The following KHDRBS3 variants were observed in gnomAD, a reference collection of about 807,000 sequenced individuals.
KHDRBS3 encodes the protein KH domain-containing, RNA-binding, signal transduction-associated protein 3.
Under a neutral mutation model 45.6 loss-of-function variants are expected in KHDRBS3, and 23 were observed. The observed-to-expected ratio is 0.50, with a 90% CI of 0.36 to 0.72. The LOEUF (loss-of-function observed/expected upper bound fraction) is 0.72. Among genes scored for constraint, KHDRBS3 ranks in the 30% least tolerant of loss-of-function variants. The pLI is 0.00. For synonymous variants in KHDRBS3, 162 were observed against 156.5 expected (o/e 1.04, Z -0.26); for missense variants, 352 against 424.8 (o/e 0.83, Z 1.51).
At chr8:135,625,464 T>C (rs1425211358) in intron 7 of KHDRBS3, 4 of 777,924 alleles carry the variant, frequency 5.1e-6, no homozygotes, top group African/African-American at 1.7e-5. Context: ...AGGGCAGCCT[T>C]AGGAGCCACA....
chr8:135,564,871 G>T (rs1827328033), intron 5 of KHDRBS3, among the ~76,000 whole-genome samples: 1 of 152,052 alleles, frequency 6.6e-6, no homozygotes, highest in South Asian at 2.1e-4. Flanking sequence ...CCCAGGTTTG[G>T]CTGCTGGCTG....
chr8:135,563,575 G>A (rs892142573), intron 5 of KHDRBS3, among the ~76,000 whole-genome samples: 12 of 152,192 alleles, frequency 7.9e-5, no homozygotes, highest in Admixed American at 3.3e-4. Context: ...AATCCATAAA[G>A]ACCCATGTGT....
chr8:135,551,810 G>A (rs1278428365), intron 4 of KHDRBS3, among the ~76,000 whole-genome samples: 2 of 152,032 alleles, frequency 1.3e-5, no homozygotes, highest in African/African-American at 2.4e-5. Context: ...TTTCTTTTCA[G>A]CCTGAAGGTT....
In KHDRBS3 at chr8:135,476,301, G is replaced by A. The variant is rs574244456; in HGVS notation, c.88+18347G>A. Reference sequence around the variant, plus strand: ...TGGGATTGCAGGTGCACACCACCACGCCCAGCTAATTTTTGTGTTTTCAGT... The same window carrying A: ...TGGGATTGCAGGTGCACACCACCACACCCAGCTAATTTTTGTGTTTTCAGT... On this transcript the variant is annotated intron_variant, in intron 1 of 8. Transcript: ENST00000355849. Among the ~76,000 whole-genome samples, 210 of 152,044 alleles carry A rather than the reference G, an allele frequency of 1.4e-3. 1 individual carries two copies. The South Asian group carries it at 0.019, about 14-fold the overall frequency.
chr8:135,473,068 A>G (rs989707681), intron 1 of KHDRBS3, among the ~76,000 whole-genome samples: 8 of 150,632 alleles, frequency 5.3e-5, no homozygotes, highest in African/African-American at 1.5e-4. Flanking sequence ...GCATTTTTTA[A>G]GTAGGAATCT....
At chr8:135,581,726 T>C in intron 5 of KHDRBS3, 152 bp from the exon 6 acceptor site, 1 of 599,518 alleles carries the variant, frequency 1.7e-6, no homozygotes, top group Non-Finnish European at 2.8e-6. Flanking sequence ...GACACCTGTT[T>C]CATGTTTGCT....
rs559022734 is a variant in KHDRBS3 at position 135,543,415 on chromosome 8, G to A, written c.324+645G>A. ...GTGTCACATTGTTTTCTAAAGACAC[G>A]TGTTGTTTTCTCATTATTAAAAGAT... On this transcript the variant is annotated intron_variant, in intron 3 of 8. Transcript: ENST00000355849. Among the ~76,000 whole-genome samples the A allele has an allele frequency of 8.5e-5, 13 of 152,116 alleles. No homozygotes were observed. In the South Asian group the frequency reaches 1.7e-3, roughly 19 times the overall value.
At chr8:135,597,450 CT>C (rs527484867) in intron 6 of KHDRBS3, among the ~76,000 whole-genome samples, 194 of 152,266 alleles carry the variant, frequency 1.3e-3, no homozygotes, top group African/African-American at 4.2e-3. Flanking sequence ...TCTCTCCCCC[CT>C]AGTCCCCTAA....
intron 5 of KHDRBS3, among the ~76,000 whole-genome samples, chr8:135,580,602 TCTC>T (rs1253113198): frequency 4.5e-4 from 49 of 108,264 alleles, no homozygotes; most frequent in East Asian, 1.4e-3. Context: ...TCTCTCTCTC[TCTC>T]TTTTTTTTTT....
At chr8:135,576,934 C>T (rs1010986983) in intron 5 of KHDRBS3, among the ~76,000 whole-genome samples, 1 of 152,078 alleles carries the variant, frequency 6.6e-6, no homozygotes, top group Non-Finnish European at 1.5e-5. Flanking sequence ...ACCATTATAG[C>T]CTCTTCCCTT....
At chr8:135,458,289 T>A in intron 1 of KHDRBS3, 1 of 782,428 alleles carries the variant, frequency 1.3e-6, no homozygotes, top group Non-Finnish European at 1.6e-6. Flanking sequence ...GGTTGAATTA[T>A]GTCATGGAAG....
At chr8:135,619,028 G>A (rs575999997) in intron 7 of KHDRBS3, among the ~76,000 whole-genome samples, 1 of 152,314 alleles carries the variant, frequency 6.6e-6, no homozygotes, top group African/African-American at 2.4e-5. Flanking sequence ...TCTGTGCAGA[G>A]TATCACAAAC....
At chr8:135,585,119 C>T (rs1586759528) in intron 6 of KHDRBS3, among the ~76,000 whole-genome samples, 1 of 147,992 alleles carries the variant, frequency 6.8e-6, no homozygotes, top group East Asian at 2.0e-4. Flanking sequence ...AACCCACCTA[C>T]TTAGGAGGCT....
At chr8:135,616,338 TA>T (rs1829914817) in intron 7 of KHDRBS3, among the ~76,000 whole-genome samples, 1 of 152,168 alleles carries the variant, frequency 6.6e-6, no homozygotes, top group Non-Finnish European at 1.5e-5. Flanking sequence ...GGAAAAAAAT[TA>T]GGTTCCTATA....
chr8:135,572,704 G>A (rs773403017), intron 5 of KHDRBS3, among the ~76,000 whole-genome samples: 5 of 152,228 alleles, frequency 3.3e-5, no homozygotes, highest in Non-Finnish European at 7.3e-5. Flanking sequence ...CATGAGATGC[G>A]CTGCCCTAGA....
At chr8:135,559,343 T>C (rs1827054744) in intron 5 of KHDRBS3, among the ~76,000 whole-genome samples, 1 of 152,134 alleles carries the variant, frequency 6.6e-6, no homozygotes, top group African/African-American at 2.4e-5. Flanking sequence ...ATATATTTTA[T>C]TTTATTTTGT....
chr8:135,623,967 G>A (rs575765262), intron 7 of KHDRBS3, among the ~76,000 whole-genome samples: 133 of 152,324 alleles, frequency 8.7e-4, no homozygotes, highest in Non-Finnish European at 1.5e-3. Flanking sequence ...AAATGAGGGA[G>A]AGTTAAGGAA....
chr8:135,470,078 G>A (rs551686701), intron 1 of KHDRBS3, among the ~76,000 whole-genome samples: 1 of 152,280 alleles, frequency 6.6e-6, no homozygotes, highest in Non-Finnish European at 1.5e-5. Context: ...TTGGTGTTCA[G>A]CAGGCTATTC....
At chr8:135,536,825 T>C (rs1258176926) in intron 2 of KHDRBS3, among the ~76,000 whole-genome samples, 4 of 149,726 alleles carry the variant, frequency 2.7e-5, no homozygotes, top group Admixed American at 6.6e-5. Context: ...CCGGGCGCGG[T>C]GGCGGGCGCC....
Sources: gnomAD v4.1 joint callset for allele counts (sites outside exome capture counted in the v4.1 genomes callset) on GRCh38, gnomAD v4.1.1 for gene constraint, MANE v1.5 for transcripts, NCBI Gene and HGNC (gene_info 2026-07-23, HGNC 2026-07-21) for gene names.